ARHGAP24: variants seen among roughly 807,000 people sequenced by gnomAD.
ARHGAP24 encodes the protein Rho GTPase activating protein 24.
Under a neutral mutation model 76.4 loss-of-function variants are expected in ARHGAP24, and 50 were observed. The ratio of observed to expected loss-of-function variants is 0.65; its 90% CI spans 0.52 to 0.83. ARHGAP24 has a LOEUF of 0.83. ARHGAP24 is among the 40% of genes least tolerant of loss of function. The probability of loss-of-function intolerance (pLI) is 0.00; values close to 1 mark genes in which losing one functional copy is unlikely to be tolerated. For missense variants in ARHGAP24, 930 were observed against 914.2 expected (o/e 1.02, Z -0.22); for synonymous variants, 345 against 323.3 (o/e 1.07, Z -0.72).
intron 2 of ARHGAP24, among the ~76,000 whole-genome samples, chr4:85,620,430 T>C (rs1046096707): frequency 6.6e-6 from 1 of 152,018 alleles, no homozygotes. Context: ...TTATCCATTT[T>C]TTTGGTGTAT....
At position 85,625,953 on chromosome 4, in the gene ARHGAP24, C is replaced by T. The variant is rs1720935247; in HGVS notation, c.180+55232C>T. Among the ~76,000 whole-genome samples, 4 of 152,198 alleles carry T rather than the reference C, an allele frequency of 2.6e-5. No individual in the cohort carries two copies. The South Asian group carries it at 8.3e-4, about 32-fold the overall frequency. On this transcript the variant is annotated intron_variant, in intron 2 of 9. Transcript: ENST00000395184. ...TCTTCCTCCATCCCTTTATTTTGAG[C>T]CTATGTGTGTCTCTGCACGTGAGAT...
At chr4:85,564,118 T>C (rs966903232) in intron 1 of ARHGAP24, among the ~76,000 whole-genome samples, 1 of 152,176 alleles carries the variant, frequency 6.6e-6, no homozygotes, top group Non-Finnish European at 1.5e-5. Flanking sequence ...GGCATATGCT[T>C]ACATGACTTC....
At chr4:85,610,298 G>A (rs1035433295) in intron 2 of ARHGAP24, among the ~76,000 whole-genome samples, 1 of 151,516 alleles carries the variant, frequency 6.6e-6, no homozygotes, top group African/African-American at 2.4e-5. Context: ...AAAAAAATTA[G>A]CCAGGTGTGG....
rs535615541 is a variant in ARHGAP24 at position 85,985,733 on chromosome 4, A to T, written c.928+8042A>T. Among the ~76,000 whole-genome samples the T allele has an allele frequency of 2.0e-5, 3 of 152,298 alleles. No individual in the cohort carries two copies. In the East Asian group the frequency reaches 5.8e-4, roughly 29 times the overall value. ...CAGGCATTATCTCTCACAGGCTCTG[A>T]CTTCTGAGATCAAATTTGTATTTGT... On this transcript the variant is annotated intron_variant, in intron 8 of 9. Coordinates refer to ENST00000395184, the MANE Select transcript of ARHGAP24 (RefSeq NM_001025616.3).
At chr4:85,613,280 C>T (rs28719006) in intron 2 of ARHGAP24, among the ~76,000 whole-genome samples, 50,286 of 151,970 alleles carry the variant, frequency 0.33, 9,366 homozygotes, top group East Asian at 0.84. Context: ...CATTATATTT[C>T]TGAATTTTAT....
chr4:85,585,795 G>T (rs550553734), intron 2 of ARHGAP24, among the ~76,000 whole-genome samples: 25 of 152,282 alleles, frequency 1.6e-4, no homozygotes, highest in African/African-American at 5.8e-4. Flanking sequence ...AGTCCAGTCT[G>T]GAGCATGCTG....
chr4:85,493,516 A>G (rs1026414214), intron 1 of ARHGAP24, among the ~76,000 whole-genome samples: 1 of 152,174 alleles, frequency 6.6e-6, no homozygotes, highest in Admixed American at 6.5e-5. Context: ...GCTATAATCC[A>G]TTACAACTGA....
In ARHGAP24 at chr4:85,907,444, C is replaced by G. The variant is rs183422609; in HGVS notation, c.269-16204C>G. The stretch of plus-strand genomic sequence containing the variant: ...TTCATCAGGGATTATGCACTTTATC[C>G]TCTTTTTGAAATTGCTTTCTTGAAT... On this transcript the variant is annotated intron_variant, in intron 3 of 9. Coordinates refer to ENST00000395184, the MANE Select transcript of ARHGAP24 (RefSeq NM_001025616.3). 3.2e-4 allele frequency among the ~76,000 whole-genome samples: 48 copies of G among 152,254 alleles called. 1 individual carries two copies. Among genetic ancestry groups the G allele is most frequent in the Admixed American group, 2.4e-3 (36 of 15,288 alleles).
intron 3 of ARHGAP24, among the ~76,000 whole-genome samples, chr4:85,751,122 A>G (rs1434389614): frequency 2.0e-5 from 3 of 152,260 alleles, no homozygotes; most frequent in Admixed American, 6.5e-5. Flanking sequence ...TTATAAATCA[A>G]TATGATTCAC....
At chr4:85,682,919 A>G (rs1723261891) in intron 2 of ARHGAP24, among the ~76,000 whole-genome samples, 1 of 152,138 alleles carries the variant, frequency 6.6e-6, no homozygotes, top group Non-Finnish European at 1.5e-5. Flanking sequence ...AAAGACACAT[A>G]ATATGATTTG....
chr4:85,612,792 C>CTTTTTTT (rs70948739), intron 2 of ARHGAP24, among the ~76,000 whole-genome samples: 2,483 of 82,778 alleles, frequency 0.03, 205 homozygotes, highest in East Asian at 0.099. Context: ...CTTTCCATTC[C>CTTTTTTT]TTTTTTTTTT....
chr4:85,506,794 G>A (rs963840995), intron 1 of ARHGAP24, among the ~76,000 whole-genome samples: 1 of 152,114 alleles, frequency 6.6e-6, no homozygotes, highest in Non-Finnish European at 1.5e-5. Context: ...AGGTACCTTA[G>A]TTGGAAATGA....
At chr4:85,528,648 A>G (rs1336308720) in intron 1 of ARHGAP24, among the ~76,000 whole-genome samples, 1 of 151,998 alleles carries the variant, frequency 6.6e-6, no homozygotes, top group African/African-American at 2.4e-5. Flanking sequence ...GTGAGTTAAT[A>G]TTTTTCAAAG....
intron 1 of ARHGAP24, among the ~76,000 whole-genome samples, chr4:85,544,860 C>G (rs1725853318): frequency 6.6e-6 from 1 of 151,996 alleles, no homozygotes; most frequent in Non-Finnish European, 1.5e-5. Flanking sequence ...CTTTTCTTAA[C>G]AGTTGTTCAG....
At chr4:85,960,449 T>C (rs1738181173) in intron 5 of ARHGAP24, among the ~76,000 whole-genome samples, 1 of 152,176 alleles carries the variant, frequency 6.6e-6, no homozygotes, top group African/African-American at 2.4e-5. Context: ...GAAAACTCTG[T>C]GTTCATAAAG....
intron 9 of ARHGAP24, among the ~76,000 whole-genome samples, chr4:85,998,262 G>A (rs1384634781): frequency 6.6e-6 from 1 of 152,028 alleles, no homozygotes; most frequent in Non-Finnish European, 1.5e-5. Flanking sequence ...CTACTACTAG[G>A]TGAATAGAAG....
chr4:85,755,852 C>A (rs375642955), intron 3 of ARHGAP24, among the ~76,000 whole-genome samples: 5 of 151,832 alleles, frequency 3.3e-5, no homozygotes, highest in African/African-American at 1.2e-4. Context: ...AGGCTGGTCT[C>A]GAACTCCTGA....
chr4:85,867,307 T>C (rs185383729), intron 3 of ARHGAP24, among the ~76,000 whole-genome samples: 1 of 152,264 alleles, frequency 6.6e-6, no homozygotes, highest in Non-Finnish European at 1.5e-5. Context: ...TTGGATGTAA[T>C]CTTTAACATG....
At chr4:85,742,966 A>G (rs909678489) in intron 3 of ARHGAP24, among the ~76,000 whole-genome samples, 9 of 152,192 alleles carry the variant, frequency 5.9e-5, no homozygotes, top group Admixed American at 1.3e-4. Flanking sequence ...TATAAACTTT[A>G]TGATTTACAG....
Sources: allele counts gnomAD v4.1 joint callset (sites outside exome capture counted in the v4.1 genomes callset), GRCh38; gene constraint gnomAD v4.1.1; transcripts MANE v1.5; gene names NCBI Gene and HGNC (gene_info 2026-07-23, HGNC 2026-07-21).